Variants in GAB1 observed in about 807,000 individuals in gnomAD.
The protein encoded by GAB1 is GRB2-associated-binding protein 1.
In GAB1, 19 loss-of-function variants were observed where a neutral mutation model predicts 66.5. That is an observed-to-expected ratio of 0.29 (90% CI 0.20 to 0.42). The LOEUF is 0.42. Ranked by LOEUF, GAB1 falls within the 10% of genes least tolerant of loss-of-function variation. The pLI is 1.00. For synonymous variants in GAB1, 294 were observed against 301.4 expected (o/e 0.98, Z 0.25); for missense variants, 732 against 858.5 (o/e 0.85, Z 1.84).
chr4:143,468,533 AT>A (rs1735918497), intron 9 of GAB1, among the ~76,000 whole-genome samples: 1 of 151,926 alleles, frequency 6.6e-6, no homozygotes, highest in African/African-American at 2.4e-5. Context: ...AAATATAATA[AT>A]TTTAAATTTA....
chr4:143,414,582 G>A (rs2666350), intron 1 of GAB1, among the ~76,000 whole-genome samples: 12,873 of 152,050 alleles, frequency 0.085, 771 homozygotes, highest in African/African-American at 0.17. Flanking sequence ...AGGCTGTGTG[G>A]CTAAAAGAGA....
chr4:143,376,581 A>G (rs944927067), intron 1 of GAB1, among the ~76,000 whole-genome samples: 1 of 152,256 alleles, frequency 6.6e-6, no homozygotes, highest in African/African-American at 2.4e-5. Context: ...CTAAACCTGA[A>G]AAATAGCCAT....
intron 1 of GAB1, among the ~76,000 whole-genome samples, chr4:143,387,478 G>C (rs1185909973): frequency 1.3e-5 from 2 of 152,204 alleles, no homozygotes; most frequent in Non-Finnish European, 2.9e-5. Context: ...GAGGAGCCAG[G>C]CATGAAGTAG....
intron 1 of GAB1, among the ~76,000 whole-genome samples, chr4:143,386,639 C>T (rs900856754): frequency 1.3e-5 from 2 of 152,200 alleles, no homozygotes; most frequent in Non-Finnish European, 2.9e-5. Context: ...CCATCTACCT[C>T]ACCTTCCCAA....
intron 8 of GAB1, among the ~76,000 whole-genome samples, chr4:143,462,582 C>T (rs1412087773): frequency 6.6e-6 from 1 of 151,066 alleles, no homozygotes; most frequent in African/African-American, 2.4e-5. Flanking sequence ...TTTTTTTTTA[C>T]ACCTAATGAC....
intron 6 of GAB1, among the ~76,000 whole-genome samples, chr4:143,449,246 C>T (rs867536843): frequency 7.9e-5 from 12 of 151,112 alleles, no homozygotes; most frequent in African/African-American, 2.9e-4. Flanking sequence ...TGGTGTGGTG[C>T]TGAAAAAAAA....
chr4:143,409,342 T>C (rs1560748961), intron 1 of GAB1, among the ~76,000 whole-genome samples: 1 of 151,900 alleles, frequency 6.6e-6, no homozygotes, highest in African/African-American at 2.4e-5. Flanking sequence ...CCTTGTATGC[T>C]ATCTTACTGA....
Position 143,470,228 on chromosome 4 carries a change from AT to A in GAB1, c.*1047del, listed in dbSNP as rs572751414. 1.3e-5 allele frequency: 2 copies of A among 151,920 alleles called. No homozygotes were observed. Among genetic ancestry groups the A allele is most frequent in the East Asian group, 1.9e-4 (1 of 5,188 alleles). The allele number at this position is 151,920 out of a possible 1,614,324, so 9.4% of individuals were successfully genotyped here. On this transcript the variant is annotated 3_prime_UTR_variant, in exon 10 of 10. Coordinates refer to ENST00000262994, the MANE Select transcript of GAB1 (RefSeq NM_002039.4). ...TTGACACCATAGTGCCCTTTCTATG[AT>A]TTTTTTTACTTAATATTCTTCTTGG...
intron 6 of GAB1, among the ~76,000 whole-genome samples, chr4:143,440,910 C>T (rs942197911): frequency 6.6e-5 from 10 of 152,222 alleles, no homozygotes; most frequent in Non-Finnish European, 1.5e-4. Context: ...CCTTCAGCTG[C>T]TATTTAGTAA....
intron 6 of GAB1, among the ~76,000 whole-genome samples, chr4:143,451,853 G>A (rs1734946983): frequency 6.6e-6 from 1 of 151,630 alleles, no homozygotes; most frequent in Non-Finnish European, 1.5e-5. Context: ...TACAGTGCGA[G>A]TTCATCACTT....
At chr4:143,446,870 A>G (rs1216386917) in intron 6 of GAB1, among the ~76,000 whole-genome samples, 3 of 150,986 alleles carry the variant, frequency 2.0e-5, no homozygotes, top group Non-Finnish European at 4.4e-5. Context: ...GTCCTTGCCC[A>G]TGCCTATGTC....
chr4:143,452,547 TG>T (rs1236064616), intron 6 of GAB1, among the ~76,000 whole-genome samples: 4 of 152,234 alleles, frequency 2.6e-5, no homozygotes, highest in Non-Finnish European at 5.9e-5. Context: ...AATTCATTTC[TG>T]GTAATACTAT....
At chr4:143,441,829 C>CT (rs999050563) in intron 6 of GAB1, among the ~76,000 whole-genome samples, 1 of 152,216 alleles carries the variant, frequency 6.6e-6, no homozygotes, top group Non-Finnish European at 1.5e-5. Context: ...CTCCTAGCTG[C>CT]TTTTTATGTG....
chr4:143,415,786 T>C lies in GAB1; in HGVS notation c.367+15T>C, dbSNP rs373477446. ...AACAGAAGAAGGTAAGTTCAAGATA[T>C]TACTATTCAACTTGAATTCTTCTTT... On this transcript the variant is annotated intron_variant, in intron 2 of 9. Coordinates refer to ENST00000262994, the MANE Select transcript of GAB1 (RefSeq NM_002039.4). 1.3e-6 allele frequency: 2 copies of C among 1,541,822 alleles called. No individual in the cohort carries two copies. The highest frequency in any genetic ancestry group is 2.1e-5 in the Admixed American group (1 of 48,450).
chr4:143,435,995 A>G (rs776967295), intron 3 of GAB1, among the ~76,000 whole-genome samples: 1 of 152,244 alleles, frequency 6.6e-6, no homozygotes, highest in Non-Finnish European at 1.5e-5. Context: ...TAAGCTAGTC[A>G]GAGCAAGGAG....
At chr4:143,387,019 A>G (rs993567966) in intron 1 of GAB1, among the ~76,000 whole-genome samples, 7 of 152,196 alleles carry the variant, frequency 4.6e-5, no homozygotes, top group Admixed American at 4.6e-4. Context: ...AGAGAATGAT[A>G]AGAAGGGTGA....
intron 8 of GAB1, 139 bp downstream of exon 8, chr4:143,460,626 A>G: frequency 1.4e-6 from 1 of 704,538 alleles, no homozygotes; most frequent in Non-Finnish European, 2.2e-6. Flanking sequence ...TAAAAAGCTT[A>G]TTAAAAATAA....
At chr4:143,379,830 C>T (rs1250144660) in intron 1 of GAB1, among the ~76,000 whole-genome samples, 1 of 151,842 alleles carries the variant, frequency 6.6e-6, no homozygotes, top group East Asian at 1.9e-4. Flanking sequence ...TCAAGCTATC[C>T]TGCCTTGGCC....
At chr4:143,367,418 G>A (rs1210744405) in intron 1 of GAB1, among the ~76,000 whole-genome samples, 1 of 152,164 alleles carries the variant, frequency 6.6e-6, no homozygotes, top group Non-Finnish European at 1.5e-5. Flanking sequence ...GTTTAAAAGG[G>A]AGAGAGTGAG....
Sources: allele counts gnomAD v4.1 joint callset (sites outside exome capture counted in the v4.1 genomes callset), GRCh38; gene constraint gnomAD v4.1.1; transcripts MANE v1.5; gene names NCBI Gene and HGNC (gene_info 2026-07-23, HGNC 2026-07-21).